Variants in KIRREL3 observed in about 807,000 individuals in gnomAD.
The protein encoded by KIRREL3 is kirre like nephrin family adhesion molecule 3, also known as kin of IRRE-like protein 3.
KIRREL3 carries 36 observed loss-of-function variants against 89.7 expected under a neutral mutation model. The observed-to-expected ratio is 0.40, with a 90% CI of 0.31 to 0.53. The LOEUF (loss-of-function observed/expected upper bound fraction) is 0.53, where lower values mean the gene tolerates loss of function less well. Among genes scored for constraint, KIRREL3 ranks in the 20% least tolerant of loss-of-function variants. The pLI, the probability that KIRREL3 is intolerant of heterozygous loss-of-function variation, is 0.49. For synonymous variants in KIRREL3, 445 were observed against 441.4 expected (o/e 1.01, Z -0.10); for missense variants, 864 against 1,056.6 (o/e 0.82, Z 2.53).
At position 126,999,237 on chromosome 11, in the gene KIRREL3, G is replaced by C. The variant is rs1337278603; in HGVS notation, c.55+1218C>G. Among the ~76,000 whole-genome samples the C allele has an allele frequency of 6.6e-6, 1 of 152,094 alleles. No individual in the cohort carries two copies. The highest frequency in any genetic ancestry group is 2.4e-5 in the African/African-American group (1 of 41,408). ...CAAATATGAAGAAGGAGCCCCTTCG[G>C]TTTCATCAGGAGGACCAGAAGCAAA... On this transcript the variant is annotated intron_variant, in intron 1 of 16. Coordinates refer to ENST00000525144, the MANE Select transcript of KIRREL3 (RefSeq NM_032531.4). The surrounding 1 kb of genome is among the most constrained non-coding windows in gnomAD (Gnocchi z 5.7).
At chr11:126,451,349 TGC>T (rs1956135962) in intron 7 of KIRREL3, among the ~76,000 whole-genome samples, 1 of 65,740 alleles carries the variant, frequency 1.5e-5, no homozygotes, top group Non-Finnish European at 2.8e-5. Flanking sequence ...TGCATGTGTG[TGC>T]GTATGTGAGT....
chr11:126,597,764 T>G (rs1220804695), intron 1 of KIRREL3, among the ~76,000 whole-genome samples: 1 of 152,220 alleles, frequency 6.6e-6, no homozygotes, highest in Non-Finnish European at 1.5e-5. Flanking sequence ...GGGCAGAATG[T>G]GGCAACTTAC....
intron 1 of KIRREL3, among the ~76,000 whole-genome samples, chr11:126,726,774 T>C (rs1397843491): frequency 6.6e-6 from 1 of 152,234 alleles, no homozygotes; most frequent in African/African-American, 2.4e-5. Context: ...TGTATTGGCC[T>C]ACACATGCCA....
At position 126,608,627 on chromosome 11, in the gene KIRREL3, A is replaced by G. The variant is rs1316276313; in HGVS notation, c.56-45715T>C. Among the ~76,000 whole-genome samples the G allele has an allele frequency of 1.3e-5, 2 of 151,996 alleles. No homozygotes were observed. The highest frequency in any genetic ancestry group is 2.9e-5 in the Non-Finnish European group (2 of 68,024). ...ATAATCACCCTGGACTAATCCATAC[A>G]CAAAATCCTGTGGCTGCAGTAGGAG... On this transcript the variant is annotated intron_variant, in intron 1 of 16. Coordinates refer to ENST00000525144, the MANE Select transcript of KIRREL3 (RefSeq NM_032531.4). The surrounding 1 kb of genome is among the most constrained non-coding windows in gnomAD (Gnocchi z 4.9).
At chr11:126,435,734 A>C (rs920596227) in intron 12 of KIRREL3, among the ~76,000 whole-genome samples, 4 of 152,184 alleles carry the variant, frequency 2.6e-5, no homozygotes, top group African/African-American at 9.7e-5. Flanking sequence ...GATTTGACCC[A>C]TAGGTGTGAT....
At chr11:126,674,070 G>A (rs1946078588) in intron 1 of KIRREL3, among the ~76,000 whole-genome samples, 1 of 152,252 alleles carries the variant, frequency 6.6e-6, no homozygotes, top group Non-Finnish European at 1.5e-5. Flanking sequence ...AGGATGGCCA[G>A]GACCCTTTCA....
intron 2 of KIRREL3, chr11:126,549,416 G>C (rs1001702870): frequency 6.6e-6 from 1 of 152,190 alleles, no homozygotes; most frequent in East Asian, 1.9e-4. Context: ...GCACTCTGTG[G>C]AGGTGGGGCA....
chr11:126,820,632 G>T (rs1455412473), intron 1 of KIRREL3, among the ~76,000 whole-genome samples: 2 of 152,114 alleles, frequency 1.3e-5, no homozygotes, highest in African/African-American at 2.4e-5. Context: ...GTTGATTCAG[G>T]CCTGGAAGGA....
intron 2 of KIRREL3, among the ~76,000 whole-genome samples, chr11:126,540,881 C>T (rs925333063): frequency 6.6e-6 from 1 of 152,214 alleles, no homozygotes; most frequent in African/African-American, 2.4e-5. Flanking sequence ...GGCTAAGCCC[C>T]CTTTCTTCTC....
Position 126,587,738 on chromosome 11 carries a change from T to C in KIRREL3, c.56-24826A>G, listed in dbSNP as rs934456181. On this transcript the variant is annotated intron_variant, in intron 1 of 16. Coordinates refer to ENST00000525144, the MANE Select transcript of KIRREL3 (RefSeq NM_032531.4). The surrounding 1 kb of genome is among the most constrained non-coding windows in gnomAD (Gnocchi z 5.2). Reference sequence around the variant, plus strand: ...TCACTAAATTGAAACCGCAGTACAATATATGTGAATGATTAGGTTGTGTAA... The same window carrying C: ...TCACTAAATTGAAACCGCAGTACAACATATGTGAATGATTAGGTTGTGTAA... Among the ~76,000 whole-genome samples, 1 of 152,246 alleles carries C rather than the reference T, an allele frequency of 6.6e-6. No homozygotes were observed. The highest frequency in any genetic ancestry group is 2.1e-4 in the South Asian group (1 of 4,836).
At chr11:126,842,509 C>T (rs1033409766) in intron 1 of KIRREL3, among the ~76,000 whole-genome samples, 3 of 152,166 alleles carry the variant, frequency 2.0e-5, no homozygotes, top group African/African-American at 7.2e-5. Flanking sequence ...TGGGGTTCAT[C>T]CTCTTCTTTT....
rs1378030264 is a variant in KIRREL3, at chr11:126,773,715, G to C, written c.56-210803C>G. Among the ~76,000 whole-genome samples, 1 of 152,132 alleles carries C rather than the reference G, an allele frequency of 6.6e-6. No individual in the cohort carries two copies. Reference sequence around the variant, plus strand: ...TGTTTGTGTGTGTGTTTTCCTGTGAGCTCCTTGGAGGCTGGGGCCCACATA... The same window carrying C: ...TGTTTGTGTGTGTGTTTTCCTGTGACCTCCTTGGAGGCTGGGGCCCACATA... On this transcript the variant is annotated intron_variant, in intron 1 of 16. Coordinates refer to ENST00000525144, the MANE Select transcript of KIRREL3 (RefSeq NM_032531.4). This position sits in a 1 kb window ranked among gnomAD's most constrained non-coding sequence, Gnocchi z 4.2.
chr11:126,863,185 G>T (rs996693522), intron 1 of KIRREL3, among the ~76,000 whole-genome samples: 15 of 152,242 alleles, frequency 9.9e-5, no homozygotes, highest in African/African-American at 3.6e-4. Context: ...CAGCACCTGG[G>T]CTGCTGGCTT....
rs1055902147 is a variant in KIRREL3 at position 126,890,743 on chromosome 11, G to C, written c.55+109712C>G. 1.3e-5 allele frequency among the ~76,000 whole-genome samples: 2 copies of C among 152,250 alleles called. No individual in the cohort carries two copies. Among genetic ancestry groups the C allele is most frequent in the Non-Finnish European group, 2.9e-5 (2 of 68,050 alleles). On this transcript the variant is annotated intron_variant, in intron 1 of 16. Coordinates refer to ENST00000525144, the MANE Select transcript of KIRREL3 (RefSeq NM_032531.4). This position sits in a 1 kb window ranked among gnomAD's most constrained non-coding sequence, Gnocchi z 5.1. ...AGCCACTAGGGTGAGTGAGAGAGTA[G>C]ACGACTGCAAACATGAGCGTCCCCC...
At chr11:126,517,915 T>A (rs1204814577) in intron 4 of KIRREL3, among the ~76,000 whole-genome samples, 1 of 152,218 alleles carries the variant, frequency 6.6e-6, no homozygotes, top group Non-Finnish European at 1.5e-5. Context: ...CGTGACGCTG[T>A]GATTCTCCAG....
chr11:126,454,024 CT>C lies in KIRREL3; in HGVS notation c.848+2324del, dbSNP rs1160093734. On this transcript the variant is annotated intron_variant, in intron 7 of 16. Transcript: ENST00000525144. The surrounding 1 kb of genome is among the most constrained non-coding windows in gnomAD (Gnocchi z 5.8). ...CTCTGCTTGTTCATTAACTTTTCAG[CT>C]TGCAAAAAACAAACTTCGGAATTAC... 6.6e-6 allele frequency among the ~76,000 whole-genome samples: 1 copy of C among 152,142 alleles called. No individual in the cohort carries two copies.
intron 1 of KIRREL3, among the ~76,000 whole-genome samples, chr11:126,831,260 C>G (rs1358894831): frequency 2.0e-5 from 3 of 152,188 alleles, no homozygotes; most frequent in Admixed American, 1.3e-4. Flanking sequence ...GTGAGATCAC[C>G]TTCACCAAGG....
chr11:126,521,519 T>C lies in KIRREL3; in HGVS notation c.284-55A>G. 2 of 1,487,074 alleles carry C rather than the reference T, an allele frequency of 1.3e-6. No individual in the cohort carries two copies. The highest frequency in any genetic ancestry group is 2.4e-5 in the East Asian group (1 of 41,310). The allele number at this position is 1,487,074 out of a possible 1,614,324, so 92.1% of individuals were successfully genotyped here. ...TGGGGTGGGGTGGAGGGGACACCCA[T>C]GACAAAGAGGCACAGAATGGAGGAC... is the stretch of plus-strand genomic sequence containing the variant. On this transcript the variant is annotated intron_variant, in intron 3 of 16. Coordinates refer to ENST00000525144, the MANE Select transcript of KIRREL3 (RefSeq NM_032531.4). This position sits in a 1 kb window ranked among gnomAD's most constrained non-coding sequence, Gnocchi z 4.1.
chr11:126,889,240 C>T (rs1198238480), intron 1 of KIRREL3, among the ~76,000 whole-genome samples: 4 of 151,774 alleles, frequency 2.6e-5, no homozygotes, highest in Non-Finnish European at 5.9e-5. Flanking sequence ...TCCCCCTGCC[C>T]CTCAAGTACC....
Sources: gnomAD v4.1 joint callset for allele counts (sites outside exome capture counted in the v4.1 genomes callset) on GRCh38, gnomAD v4.1.1 for gene constraint, Gnocchi (gnomAD v3.1) non-coding constraint, MANE v1.5 for transcripts, NCBI Gene and HGNC (gene_info 2026-07-23, HGNC 2026-07-21) for gene names.